The following LRBA variants were observed in gnomAD, a reference collection of about 807,000 sequenced individuals.
The protein encoded by LRBA is LPS responsive beige-like anchor protein, also known as lipopolysaccharide-responsive and beige-like anchor protein.
Under a neutral mutation model 330.0 loss-of-function variants are expected in LRBA, and 176 were observed. The observed-to-expected ratio is 0.53, with a 90% confidence interval of 0.47 to 0.60. The LOEUF is 0.60. Ranked by LOEUF, LRBA falls within the 20% of genes least tolerant of loss-of-function variation. The pLI, the probability that LRBA is intolerant of heterozygous loss-of-function variation, is 0.00. For missense variants in LRBA, 3,259 were observed against 3,444.8 expected, an observed-to-expected ratio of 0.95 and a Z score of 1.35; for synonymous variants, 1,230 against 1,193.0, an observed-to-expected ratio of 1.03 and a Z score of -0.64.
chr4:150,856,211 T>C (rs1751213240), intron 22 of LRBA, among the ~76,000 whole-genome samples: 1 of 152,150 alleles, frequency 6.6e-6, no homozygotes, highest in Non-Finnish European at 1.5e-5. Context: ...AATCAGCACA[T>C]GATGAAGGCA....
chr4:150,964,915 A>G (rs1738712692), intron 2 of LRBA, among the ~76,000 whole-genome samples: 1 of 152,260 alleles, frequency 6.6e-6, no homozygotes, highest in African/African-American at 2.4e-5. Flanking sequence ...CCTTAGTCAT[A>G]AGGGAAATGT....
chr4:150,505,748 A>G (rs1303666093), intron 40 of LRBA, among the ~76,000 whole-genome samples: 3 of 152,170 alleles, frequency 2.0e-5, no homozygotes, highest in Non-Finnish European at 2.9e-5. Context: ...AACTGAAGGA[A>G]ATAGAGACAC....
intron 40 of LRBA, among the ~76,000 whole-genome samples, chr4:150,528,785 AACAG>A (rs1458792632): frequency 3.3e-5 from 5 of 152,190 alleles, no homozygotes; most frequent in Admixed American, 6.5e-5. Flanking sequence ...CAAAATAAGA[AACAG>A]ACAAAGTTTT....
chr4:150,333,068 A>C (rs1734199177), intron 48 of LRBA, among the ~76,000 whole-genome samples: 4 of 152,184 alleles, frequency 2.6e-5, no homozygotes, highest in African/African-American at 9.6e-5. Flanking sequence ...GAAGAAAGAA[A>C]TAAGAGATAA....
In LRBA at chr4:150,368,217, C is replaced by T. The variant is rs375190017; in HGVS notation, c.7195-18058G>A. ...ATAATACCCCCAATTCACAGTTTACCTTCGGAGAAAACTACTGTTCATTAT... is the reference window on the plus strand; with the variant it reads ...ATAATACCCCCAATTCACAGTTTACTTTCGGAGAAAACTACTGTTCATTAT... On this transcript the variant is annotated intron_variant, in intron 47 of 56. Coordinates refer to ENST00000651943, the MANE Select transcript of LRBA (RefSeq NM_001364905.1). 1.5e-4 allele frequency among the ~76,000 whole-genome samples: 23 copies of T among 152,108 alleles called. No homozygotes were observed. The South Asian group carries it at 3.5e-3, about 23-fold the overall frequency.
intron 28 of LRBA, 143 bp downstream of exon 28, chr4:150,843,957 A>G (rs1749473142): frequency 1.9e-6 from 1 of 533,148 alleles, no homozygotes; most frequent in Admixed American, 2.8e-5. Context: ...TTCTAAAATC[A>G]TTGTCAAAAG....
chr4:150,281,979 T>C (rs1260739672), intron 55 of LRBA, among the ~76,000 whole-genome samples: 1 of 152,202 alleles, frequency 6.6e-6, no homozygotes, highest in Admixed American at 6.5e-5. Flanking sequence ...GGTCTTGTTG[T>C]CCATAAAGAA....
intron 4 of LRBA, among the ~76,000 whole-genome samples, chr4:150,927,932 A>C (rs1734059861): frequency 6.6e-6 from 1 of 152,204 alleles, no homozygotes; most frequent in African/African-American, 2.4e-5. Context: ...ATGATCTCTA[A>C]AGGGCACTAA....
intron 37 of LRBA, among the ~76,000 whole-genome samples, chr4:150,680,126 C>G (rs531263406): frequency 5.9e-5 from 9 of 152,286 alleles, no homozygotes; most frequent in African/African-American, 2.2e-4. Flanking sequence ...TTTGTGGCTT[C>G]TTTCTTGCTT....
At chr4:150,475,187 TA>T (rs1479409618) in intron 42 of LRBA, among the ~76,000 whole-genome samples, 1 of 152,144 alleles carries the variant, frequency 6.6e-6, no homozygotes, top group Non-Finnish European at 1.5e-5. Flanking sequence ...AATTTTGTTT[TA>T]AAAAAATGTG....
At chr4:150,494,189 A>G (rs1263058045) in intron 40 of LRBA, among the ~76,000 whole-genome samples, 2 of 152,228 alleles carry the variant, frequency 1.3e-5, no homozygotes, top group Non-Finnish European at 2.9e-5. Context: ...AGGTTTTCTA[A>G]CCCAAAAATA....
chr4:150,999,447 T>G (rs915410270), intron 2 of LRBA, among the ~76,000 whole-genome samples: 1 of 151,924 alleles, frequency 6.6e-6, no homozygotes, highest in African/African-American at 2.4e-5. Context: ...TTTTTAATTC[T>G]ATAGAGATAA....
chr4:150,402,783 C>CCA (rs1662815696), intron 47 of LRBA, among the ~76,000 whole-genome samples: 1 of 151,610 alleles, frequency 6.6e-6, no homozygotes, highest in Admixed American at 6.6e-5. Context: ...AATTATCTAT[C>CCA]TCTCTCTATA....
At chr4:150,721,470 G>T in intron 36 of LRBA, 2 of 264,100 alleles carry the variant, frequency 7.6e-6, no homozygotes, top group Non-Finnish European at 1.5e-5. Flanking sequence ...TGTGATCATT[G>T]ACATTTAAGA....
At chr4:150,921,355 C>T in intron 4 of LRBA, 62 bp from the exon 5 acceptor site, 1 of 947,496 alleles carries the variant, frequency 1.1e-6, no homozygotes, top group Non-Finnish European at 1.7e-6. Flanking sequence ...AAAAACACAT[C>T]TTTAATATAG....
intron 4 of LRBA, among the ~76,000 whole-genome samples, chr4:150,926,783 C>T (rs1733924718): frequency 6.6e-6 from 1 of 152,108 alleles, no homozygotes; most frequent in Admixed American, 6.5e-5. Context: ...ATAGAATTTA[C>T]AGAAAGAGAC....
chr4:150,490,962 T>A lies in LRBA; in HGVS notation c.6404A>T (p.Tyr2135Phe). The part of the protein sequence containing the change: ...TEIRSIFSRR[Y>F]LLQNTALEIF... The stretch of plus-strand genomic sequence containing the variant: ...CTCCAGGGCTGTATTTTGCAAAAGA[T>A]AACGACGAGAAAAGATTGATCGTAT... Residue 2135 changes from tyrosine (Y) to phenylalanine (F), a missense_variant, in exon 41 of 57, where the codon TAT becomes TTT. Tyr to Phe is a conservative substitution (Grantham distance 22). Transcript: ENST00000651943. The A allele has an allele frequency of 6.2e-7, 1 of 1,610,066 alleles. No individual in the cohort carries two copies. Among genetic ancestry groups the A allele is most frequent in the East Asian group, 2.2e-5 (1 of 44,748 alleles).
chr4:150,335,328 A>G (rs1345906732), intron 48 of LRBA, among the ~76,000 whole-genome samples: 1 of 151,718 alleles, frequency 6.6e-6, no homozygotes, highest in East Asian at 1.9e-4. Context: ...ATACCAAAGA[A>G]AGAAAAATTT....
rs78640836 is a variant in LRBA at position 150,480,336 on chromosome 4, T to C, written c.6551+7396A>G. 3.5e-3 allele frequency among the ~76,000 whole-genome samples: 535 copies of C among 152,250 alleles called. 29 individuals are homozygous for C. In the East Asian group the frequency reaches 0.096, roughly 27 times the overall value. ...ATATAAATACTTGTTATTAAGTCCA[T>C]ACATTCAAATACAAAACTAATATGT... is the stretch of plus-strand genomic sequence containing the variant. On this transcript the variant is annotated intron_variant, in intron 42 of 56. Transcript: ENST00000651943.
Sources: gnomAD v4.1 joint callset for allele counts (sites outside exome capture counted in the v4.1 genomes callset) on GRCh38, gnomAD v4.1.1 for gene constraint, MANE v1.5 for transcripts, NCBI Gene and HGNC (gene_info 2026-07-23, HGNC 2026-07-21) for gene names.